Variants in TRAPPC9 observed in about 807,000 individuals in gnomAD.
TRAPPC9 encodes the protein IKK2 binding protein.
Under a neutral mutation model 124.0 loss-of-function variants are expected in TRAPPC9, and 83 were observed. The observed-to-expected ratio is 0.67, with a 90% CI of 0.56 to 0.80. The LOEUF (loss-of-function observed/expected upper bound fraction) is 0.80. Among genes scored for constraint, TRAPPC9 ranks in the 30% least tolerant of loss-of-function variants. The pLI is 0.00. For missense variants in TRAPPC9, 1,302 were observed against 1,508.3 expected (o/e 0.86, Z 2.27); for synonymous variants, 638 against 617.5 (o/e 1.03, Z -0.49).
chr8:139,821,829 A>C (rs1028808008), intron 21 of TRAPPC9, among the ~76,000 whole-genome samples: 1 of 152,236 alleles, frequency 6.6e-6, no homozygotes, highest in African/African-American at 2.4e-5. Context: ...TTCGTGTGCC[A>C]TAATAGCCTG....
Position 139,934,280 on chromosome 8 carries a change from C to CAGAG in TRAPPC9, c.2811-23984_2811-23981dup, listed in dbSNP as rs34430255. Among the ~76,000 whole-genome samples, 380 of 148,888 alleles carry CAGAG rather than the reference C, an allele frequency of 2.6e-3. 2 individuals carry two copies. The highest frequency in any genetic ancestry group is 8.4e-3 in the African/African-American group (342 of 40,492). ...CTGAATCCCTGACTTCAAGTCCAGT[C>CAGAG]AGAGAGAGAGAGAGAGAGAGAGAGA... On this transcript the variant is annotated intron_variant, in intron 19 of 22. Coordinates refer to ENST00000438773, the MANE Select transcript of TRAPPC9 (RefSeq NM_001160372.4).
chr8:139,947,931 G>GAGAGAGAC (rs1261762095), intron 19 of TRAPPC9, among the ~76,000 whole-genome samples: 1 of 132,210 alleles, frequency 7.6e-6, no homozygotes, highest in Non-Finnish European at 1.6e-5. Context: ...GAGCGAGAGA[G>GAGAGAGAC]AGAGAGAGAG....
chr8:140,377,938 T>C (rs1209795798), intron 7 of TRAPPC9, among the ~76,000 whole-genome samples: 1 of 151,312 alleles, frequency 6.6e-6, no homozygotes, highest in Non-Finnish European at 1.5e-5. Flanking sequence ...CCAGCATGAG[T>C]GACAGAGCAA....
chr8:140,024,725 G>A (rs548562944), intron 17 of TRAPPC9, among the ~76,000 whole-genome samples: 13 of 151,992 alleles, frequency 8.6e-5, no homozygotes, highest in South Asian at 4.2e-4. Context: ...GATGACAGGC[G>A]TGTGGGATGA....
chr8:139,853,050 C>T (rs1816909726), intron 21 of TRAPPC9, among the ~76,000 whole-genome samples: 1 of 152,198 alleles, frequency 6.6e-6, no homozygotes, highest in Admixed American at 6.5e-5. Context: ...TCTAGGCTTC[C>T]CAAGAAGTGT....
At chr8:140,419,428 C>T (rs1458154703) in intron 5 of TRAPPC9, among the ~76,000 whole-genome samples, 1 of 79,590 alleles carries the variant, frequency 1.3e-5, no homozygotes, top group African/African-American at 4.2e-5. Context: ...GACTCCGTCT[C>T]AAAAAAAAAA....
intron 21 of TRAPPC9, among the ~76,000 whole-genome samples, chr8:139,844,666 C>A (rs565629981): frequency 2.0e-5 from 3 of 152,290 alleles, no homozygotes; most frequent in South Asian, 2.1e-4. Flanking sequence ...CGGGGAGGAG[C>A]TCTGCTGGCA....
At chr8:139,819,650 C>A (rs1825111674) in intron 21 of TRAPPC9, among the ~76,000 whole-genome samples, 1 of 152,118 alleles carries the variant, frequency 6.6e-6, no homozygotes, top group South Asian at 2.1e-4. Context: ...AAATCAAACC[C>A]AGCAGTGCAT....
chr8:139,796,936 T>C (rs1451021206), intron 21 of TRAPPC9, among the ~76,000 whole-genome samples: 1 of 152,254 alleles, frequency 6.6e-6, no homozygotes, highest in Non-Finnish European at 1.5e-5. Context: ...ATTCTAGCCA[T>C]CCTAGCTGGT....
At chr8:140,269,596 G>T (rs2064813439) in intron 15 of TRAPPC9, among the ~76,000 whole-genome samples, 1 of 151,572 alleles carries the variant, frequency 6.6e-6, no homozygotes, top group Admixed American at 6.6e-5. Flanking sequence ...AAATAAGATG[G>T]ATTAAAGGAT....
At chr8:140,322,858 G>A (rs2066632629) in intron 9 of TRAPPC9, among the ~76,000 whole-genome samples, 1 of 152,100 alleles carries the variant, frequency 6.6e-6, no homozygotes, top group Non-Finnish European at 1.5e-5. Context: ...AAAGCCAACA[G>A]AAAAGACAAA....
intron 19 of TRAPPC9, among the ~76,000 whole-genome samples, chr8:139,962,960 T>G (rs1186028332): frequency 1.3e-5 from 2 of 152,208 alleles, no homozygotes; most frequent in African/African-American, 4.8e-5. Flanking sequence ...GGCATACAGC[T>G]TACTCCTCCA....
intron 19 of TRAPPC9, among the ~76,000 whole-genome samples, chr8:139,925,255 T>C (rs1587235160): frequency 6.6e-6 from 1 of 152,176 alleles, no homozygotes; most frequent in Non-Finnish European, 1.5e-5. Context: ...GCAACAGCAC[T>C]GGAGGCCGAA....
At chr8:139,973,700 C>A (rs1228464655) in intron 19 of TRAPPC9, among the ~76,000 whole-genome samples, 6 of 152,202 alleles carry the variant, frequency 3.9e-5, no homozygotes, top group African/African-American at 1.4e-4. Flanking sequence ...CTGAGCAGCA[C>A]CAGGGAAAAG....
In TRAPPC9 at chr8:140,110,929, C is replaced by G. The variant is rs115257067; in HGVS notation, c.2557-86850G>C. Among the ~76,000 whole-genome samples, 286 of 57,682 alleles carry G rather than the reference C, an allele frequency of 5.0e-3. 19 individuals are homozygous for G. The highest frequency in any genetic ancestry group is 0.021 in the African/African-American group (251 of 11,754). 37.8% of individuals were successfully genotyped at this position (57,682 alleles called of 152,430 possible). ...CCCCCCTGCACCCCCTGCAGCAGCT[C>G]CCCCAAAGCTCCCCCTGCAGTAGCT... On this transcript the variant is annotated intron_variant, in intron 17 of 22. Coordinates refer to ENST00000438773, the MANE Select transcript of TRAPPC9 (RefSeq NM_001160372.4).
intron 17 of TRAPPC9, among the ~76,000 whole-genome samples, chr8:140,146,621 A>G (rs533662569): frequency 6.6e-6 from 1 of 152,352 alleles, no homozygotes; most frequent in African/African-American, 2.4e-5. Flanking sequence ...TTTCTTAACT[A>G]TGACATTTTG....
intron 1 of TRAPPC9, among the ~76,000 whole-genome samples, chr8:140,452,133 A>G (rs1374447635): frequency 6.6e-6 from 1 of 150,904 alleles, no homozygotes; most frequent in Non-Finnish European, 1.5e-5. Context: ...AAAAAAAAAA[A>G]AAAGAGGCGG....
intron 17 of TRAPPC9, among the ~76,000 whole-genome samples, chr8:140,176,289 A>G (rs1253873480): frequency 6.6e-6 from 1 of 152,088 alleles, no homozygotes; most frequent in Non-Finnish European, 1.5e-5. Flanking sequence ...ATCACCCCTA[A>G]AAGTGCCTTC....
intron 15 of TRAPPC9, 29 bp downstream of exon 15, chr8:140,275,629 C>A: frequency 6.2e-7 from 1 of 1,611,070 alleles, no homozygotes; most frequent in Non-Finnish European, 8.5e-7. Flanking sequence ...ACAAACATTC[C>A]CAGGGTCAAA....
Sources: gnomAD v4.1 joint callset for allele counts (sites outside exome capture counted in the v4.1 genomes callset) on GRCh38, gnomAD v4.1.1 for gene constraint, MANE v1.5 for transcripts, NCBI Gene and HGNC (gene_info 2026-07-23, HGNC 2026-07-21) for gene names.